Variants in ETS1 observed in about 807,000 individuals in gnomAD.
ETS1 encodes the protein protein C-ets-1.
In ETS1, 15 loss-of-function variants were observed where a neutral mutation model predicts 58.6. That is an observed-to-expected ratio of 0.26 (90% CI 0.17 to 0.39). ETS1 has a LOEUF of 0.39. Among genes scored for constraint, ETS1 ranks in the 10% least tolerant of loss-of-function variants. ETS1 has a pLI of 1.00. For synonymous variants in ETS1, 214 were observed against 218.2 expected (o/e 0.98, Z 0.17); for missense variants, 417 against 610.5 (o/e 0.68, Z 3.34).
intron 3 of ETS1, among the ~76,000 whole-genome samples, chr11:128,508,645 T>G (rs1565388150): frequency 1.3e-5 from 2 of 152,194 alleles, no homozygotes; most frequent in Non-Finnish European, 2.9e-5. Flanking sequence ...TTATCTAAAC[T>G]CTGTATCGTA....
chr11:128,502,287 CT>C (rs1311162508), intron 3 of ETS1, among the ~76,000 whole-genome samples: 2 of 152,180 alleles, frequency 1.3e-5, no homozygotes, highest in Non-Finnish European at 2.9e-5. Context: ...TTCTCTTAAG[CT>C]TGCTTGCCTT....
intron 3 of ETS1, among the ~76,000 whole-genome samples, chr11:128,530,586 G>T (rs919476032): frequency 2.0e-5 from 3 of 152,098 alleles, no homozygotes; most frequent in African/African-American, 7.2e-5. Flanking sequence ...CCCCAGATTG[G>T]GAAACCATCT....
intron 3 of ETS1, chr11:128,497,649 TA>T: frequency 1.1e-6 from 1 of 943,932 alleles, no homozygotes. Context: ...AAAGCAGTTG[TA>T]ATTCGGCAGC....
At chr11:128,584,129 AT>A (rs1460934079) in intron 1 of ETS1, among the ~76,000 whole-genome samples, 1 of 152,158 alleles carries the variant, frequency 6.6e-6, no homozygotes, top group Non-Finnish European at 1.5e-5. Flanking sequence ...TAAAACTGAT[AT>A]TTGTCAGGGA....
At chr11:128,534,507 T>A (rs1863944097) in intron 3 of ETS1, among the ~76,000 whole-genome samples, 3 of 152,196 alleles carry the variant, frequency 2.0e-5, no homozygotes, top group Non-Finnish European at 2.9e-5. Flanking sequence ...GGTGGTTTGC[T>A]GCACCTGTCA....
At chr11:128,569,810 C>T (rs1864589130) in intron 2 of ETS1, among the ~76,000 whole-genome samples, 1 of 152,272 alleles carries the variant, frequency 6.6e-6, no homozygotes, top group Middle Eastern at 3.4e-3. Context: ...GAAACTGAGG[C>T]CCAGAGAGAA....
At chr11:128,583,169 T>G (rs1463228098) in intron 1 of ETS1, among the ~76,000 whole-genome samples, 1 of 152,176 alleles carries the variant, frequency 6.6e-6, no homozygotes, top group Non-Finnish European at 1.5e-5. Flanking sequence ...AAGGCAGCGC[T>G]GGACTAACTT....
intron 7 of ETS1, among the ~76,000 whole-genome samples, chr11:128,483,251 G>T (rs1018621414): frequency 2.0e-5 from 3 of 152,292 alleles, no homozygotes; most frequent in East Asian, 3.9e-4. Flanking sequence ...GGGGTTGGAG[G>T]GGTGGTAGGG....
At chr11:128,527,697 C>T (rs146724642) in intron 3 of ETS1, among the ~76,000 whole-genome samples, 105 of 152,344 alleles carry the variant, frequency 6.9e-4, no homozygotes, top group African/African-American at 2.0e-3. Flanking sequence ...CTCCTAGAAG[C>T]TCTGCATCCC....
At chr11:128,481,694 A>C in intron 7 of ETS1, among the ~76,000 whole-genome samples, 1 of 152,234 alleles carries the variant, frequency 6.6e-6, no homozygotes, top group East Asian at 1.9e-4. Context: ...GCTGACTTAT[A>C]CAACTTCATA....
At chr11:128,555,514 A>G (rs971194038) in intron 3 of ETS1, among the ~76,000 whole-genome samples, 1 of 152,216 alleles carries the variant, frequency 6.6e-6, no homozygotes, top group Non-Finnish European at 1.5e-5. Context: ...TTGGTATTCA[A>G]ATATGTTATC....
At chr11:128,522,157 G>A (rs1013938587) in intron 3 of ETS1, 7 of 1,308,238 alleles carry the variant, frequency 5.4e-6, no homozygotes, top group Non-Finnish European at 6.8e-6. Context: ...GCGCCCGGAC[G>A]GTGCGCGCCC....
chr11:128,478,060 T>A, intron 8 of ETS1, among the ~76,000 whole-genome samples: 1 of 152,164 alleles, frequency 6.6e-6, no homozygotes, highest in Non-Finnish European at 1.5e-5. Flanking sequence ...ATTCTCGCCA[T>A]CACATGAGAT....
chr11:128,533,721 C>T (rs187645763), intron 3 of ETS1, among the ~76,000 whole-genome samples: 55 of 152,350 alleles, frequency 3.6e-4, no homozygotes, highest in Admixed American at 7.2e-4. Flanking sequence ...GCACTTCCTA[C>T]TCTGTGCTCT....
At chr11:128,540,046 T>A (rs1864031109) in intron 3 of ETS1, among the ~76,000 whole-genome samples, 1 of 152,184 alleles carries the variant, frequency 6.6e-6, no homozygotes, top group Non-Finnish European at 1.5e-5. Context: ...GCGCAGTGGA[T>A]CATGCCTGTA....
At chr11:128,522,468 C>A in intron 3 of ETS1, 1 of 533,304 alleles carries the variant, frequency 1.9e-6, no homozygotes, top group South Asian at 8.1e-5. Context: ...GGGCGGGGAG[C>A]CGGGGGCGGG....
intron 8 of ETS1, among the ~76,000 whole-genome samples, chr11:128,471,074 C>A (rs1397038927): frequency 6.6e-6 from 1 of 152,220 alleles, no homozygotes; most frequent in Non-Finnish European, 1.5e-5. Flanking sequence ...GTATTCTTCA[C>A]CTAAGTATTG....
intron 3 of ETS1, among the ~76,000 whole-genome samples, chr11:128,502,907 A>G (rs1487888755): frequency 1.3e-5 from 2 of 152,164 alleles, no homozygotes; most frequent in African/African-American, 2.4e-5. Context: ...CTTCATTGTG[A>G]GTTTCCACCG....
chr11:128,575,870 A>G (rs144072923), intron 1 of ETS1, among the ~76,000 whole-genome samples: 114 of 152,330 alleles, frequency 7.5e-4, no homozygotes, highest in African/African-American at 2.7e-3. Flanking sequence ...TTTCTAAGAG[A>G]AAGGACTTTT....
Sources: gnomAD v4.1 joint callset for allele counts (sites outside exome capture counted in the v4.1 genomes callset) on GRCh38, gnomAD v4.1.1 for gene constraint, MANE v1.5 for transcripts, NCBI Gene and HGNC (gene_info 2026-07-23, HGNC 2026-07-21) for gene names.